AGBL4: variants seen among roughly 807,000 people sequenced by gnomAD.
AGBL4 encodes AGBL carboxypeptidase 4.
A neutral mutation model predicts 66.4 loss-of-function variants in AGBL4; 58 were observed. The observed-to-expected ratio is 0.87, with a 90% CI of 0.71 to 1.09. AGBL4 has a LOEUF of 1.09. AGBL4 is among the 50% of genes least tolerant of loss of function. The pLI, the probability that AGBL4 is intolerant of heterozygous loss-of-function variation, is 0.00. For missense variants in AGBL4, 579 were observed against 631.0 expected, an observed-to-expected ratio of 0.92 and a Z score of 0.88; for synonymous variants, 234 against 222.9, an observed-to-expected ratio of 1.05 and a Z score of -0.44.
intron 11 of AGBL4, among the ~76,000 whole-genome samples, chr1:48,543,258 C>T (rs984749452): frequency 5.3e-5 from 8 of 152,090 alleles, no homozygotes; most frequent in African/African-American, 1.4e-4. Flanking sequence ...GGAGGAGGAA[C>T]CTGAGGTTGG....
At chr1:49,354,928 G>A (rs1643987564) in intron 3 of AGBL4, among the ~76,000 whole-genome samples, 1 of 152,128 alleles carries the variant, frequency 6.6e-6, no homozygotes, top group Non-Finnish European at 1.5e-5. Flanking sequence ...GTATAAGGTG[G>A]AAACCAACCC....
At chr1:49,172,996 G>A (rs1180185641) in intron 4 of AGBL4, among the ~76,000 whole-genome samples, 4 of 152,124 alleles carry the variant, frequency 2.6e-5, no homozygotes, top group Non-Finnish European at 4.4e-5. Context: ...GCACATGCCT[G>A]TAATCCCAGC....
intron 1 of AGBL4, among the ~76,000 whole-genome samples, chr1:49,890,511 G>T (rs1326706686): frequency 6.6e-6 from 1 of 152,100 alleles, no homozygotes; most frequent in Non-Finnish European, 1.5e-5. Flanking sequence ...TATTCTGGTT[G>T]GAGAGATACT....
intron 3 of AGBL4, among the ~76,000 whole-genome samples, chr1:49,687,075 G>T (rs1386261382): frequency 4.6e-5 from 7 of 152,296 alleles, no homozygotes; most frequent in East Asian, 1.9e-4. Context: ...GGTACCACAT[G>T]CCAGGCTAAG....
At chr1:49,202,781 T>C (rs1476539867) in intron 4 of AGBL4, among the ~76,000 whole-genome samples, 1 of 151,816 alleles carries the variant, frequency 6.6e-6, no homozygotes, top group Non-Finnish European at 1.5e-5. Flanking sequence ...AGATTAAAAC[T>C]ATTACACAGC....
chr1:49,962,096 T>C (rs774974546), intron 1 of AGBL4, among the ~76,000 whole-genome samples: 30 of 152,098 alleles, frequency 2.0e-4, no homozygotes, highest in Admixed American at 7.9e-4. Flanking sequence ...AAAAGAAGAC[T>C]ACTAATTTTA....
chr1:49,460,595 C>T (rs187389712), intron 3 of AGBL4, among the ~76,000 whole-genome samples: 2 of 151,728 alleles, frequency 1.3e-5, no homozygotes, highest in East Asian at 1.9e-4. Context: ...TTACATTCAA[C>T]GTTAGGATTG....
chr1:49,803,312 C>G (rs1245796702), intron 2 of AGBL4, among the ~76,000 whole-genome samples: 1 of 152,020 alleles, frequency 6.6e-6, no homozygotes, highest in Non-Finnish European at 1.5e-5. Flanking sequence ...TTAGCCTAGT[C>G]ATATAACAGA....
intron 2 of AGBL4, among the ~76,000 whole-genome samples, chr1:49,759,403 G>C (rs756636358): frequency 2.2e-4 from 33 of 152,138 alleles, no homozygotes; most frequent in Admixed American, 8.5e-4. Context: ...AAAAATAAAA[G>C]TCTGAGAAAT....
intron 11 of AGBL4, among the ~76,000 whole-genome samples, chr1:48,568,143 C>G (rs1644504767): frequency 6.6e-6 from 1 of 152,148 alleles, no homozygotes. Context: ...GATCAAGCAT[C>G]CTGCAAATCT....
intron 2 of AGBL4, among the ~76,000 whole-genome samples, chr1:49,771,599 T>G (rs1376462859): frequency 6.6e-6 from 1 of 152,142 alleles, no homozygotes; most frequent in Non-Finnish European, 1.5e-5. Flanking sequence ...GTTATTAAAG[T>G]ACCTTACAAT....
Position 50,012,433 on chromosome 1 carries a change from C to T in AGBL4, c.34+11330G>A, listed in dbSNP as rs556781896. On this transcript the variant is annotated intron_variant, in intron 1 of 13. Coordinates refer to ENST00000371839, the MANE Select transcript of AGBL4 (RefSeq NM_032785.4). ...TGATGTGCTTGTTTCACATTGCATG[C>T]GTATATCAAAACATCACATGTACCC... Among the ~76,000 whole-genome samples the T allele has an allele frequency of 5.3e-5, 8 of 151,990 alleles. No individual in the cohort carries two copies. In the South Asian group the frequency reaches 6.2e-4, roughly 12 times the overall value.
intron 5 of AGBL4, among the ~76,000 whole-genome samples, chr1:48,904,836 C>A (rs749901323): frequency 2.0e-5 from 3 of 152,184 alleles, no homozygotes; most frequent in Non-Finnish European, 4.4e-5. Context: ...AGAAAAACTT[C>A]AATGCAAGAA....
At chr1:49,636,252 C>A (rs1231150969) in intron 3 of AGBL4, among the ~76,000 whole-genome samples, 1 of 152,190 alleles carries the variant, frequency 6.6e-6, no homozygotes, top group Non-Finnish European at 1.5e-5. Context: ...AAGGTGCCAG[C>A]AGATCTGGCA....
intron 8 of AGBL4, among the ~76,000 whole-genome samples, chr1:48,639,485 G>A (rs1201081589): frequency 6.6e-6 from 1 of 152,002 alleles, no homozygotes; most frequent in African/African-American, 2.4e-5. Context: ...GATCTCTTTC[G>A]GCTCTCTCAA....
At chr1:48,839,039 A>G (rs1646742937) in intron 6 of AGBL4, among the ~76,000 whole-genome samples, 1 of 152,188 alleles carries the variant, frequency 6.6e-6, no homozygotes, top group African/African-American at 2.4e-5. Flanking sequence ...AATGCTGGTG[A>G]TGACACAGAG....
intron 3 of AGBL4, among the ~76,000 whole-genome samples, chr1:49,354,488 C>T (rs1001508524): frequency 1.3e-5 from 2 of 152,116 alleles, no homozygotes; most frequent in African/African-American, 4.8e-5. Context: ...TGCTAGAGAA[C>T]CCCTCAGGCT....
rs938190139 is a variant in AGBL4 at position 48,962,412 on chromosome 1, G to A, written c.594+83172C>T. ...AATTAATTGGAAAATGGAAGAGCTG[G>A]CATTGGGGAGGGGAAGCAGAATGTA... On this transcript the variant is annotated intron_variant, in intron 5 of 13. Transcript: ENST00000371839. Among the ~76,000 whole-genome samples the A allele has an allele frequency of 2.6e-5, 4 of 152,156 alleles. No individual in the cohort carries two copies. The East Asian group carries it at 5.8e-4, about 22-fold the overall frequency.
chr1:49,620,525 G>A lies in AGBL4; in HGVS notation c.282+76788C>T, dbSNP rs113494015. Reference sequence around the variant, plus strand: ...ATGCTTTTACACTGTTGCTGGGAGTGTCAATTAGTTCAACCACTGCGGAAG... The same window carrying A: ...ATGCTTTTACACTGTTGCTGGGAGTATCAATTAGTTCAACCACTGCGGAAG... On this transcript the variant is annotated intron_variant, in intron 3 of 13. Coordinates refer to ENST00000371839, the MANE Select transcript of AGBL4 (RefSeq NM_032785.4). Among the ~76,000 whole-genome samples, 663 of 152,240 alleles carry A rather than the reference G, an allele frequency of 4.4e-3. 7 individuals are homozygous for A. Among genetic ancestry groups the A allele is most frequent in the African/African-American group, 0.015 (621 of 41,552 alleles).
Sources: gnomAD v4.1 joint callset for allele counts (sites outside exome capture counted in the v4.1 genomes callset) on GRCh38, gnomAD v4.1.1 for gene constraint, MANE v1.5 for transcripts, NCBI Gene and HGNC (gene_info 2026-07-23, HGNC 2026-07-21) for gene names.